Variants in PCSK1 observed in about 807,000 individuals in gnomAD.
PCSK1 encodes the protein neuroendocrine convertase 1.
Under a neutral mutation model 90.6 loss-of-function variants are expected in PCSK1, and 56 were observed. The observed-to-expected ratio is 0.62, with a 90% confidence interval of 0.50 to 0.77. PCSK1 has a LOEUF of 0.77. Among genes scored for constraint, PCSK1 ranks in the 30% least tolerant of loss-of-function variants. PCSK1 has a pLI of 0.00. For missense variants in PCSK1, 801 were observed against 932.6 expected (o/e 0.86, Z 1.84); for synonymous variants, 348 against 342.4 (o/e 1.02, Z -0.18).
rs1336839519 is a variant in PCSK1 at position 96,413,005 on chromosome 5, G to GCCACACA, written c.710-522_710-516dup. The GCCACACA allele has an allele frequency of 3.1e-6, 3 of 979,730 alleles. No homozygotes were observed. In the East Asian group the frequency reaches 3.3e-4, roughly 108 times the overall value. 60.7% of individuals were successfully genotyped at this position (979,730 alleles called of 1,614,324 possible). A position where few individuals can be genotyped will look rare whatever the true frequency, so the allele number is the denominator to read the frequency against. On this transcript the variant is annotated intron_variant, in intron 6 of 13. Transcript: ENST00000311106. ...CACAAATGGCTGTGGCCCAGTCTAC[G>GCCACACA]CCACACAAGGACTCTGGACAGGAAA...
At chr5:96,425,045 AAAG>A (rs760635038) in intron 3 of PCSK1, among the ~76,000 whole-genome samples, 7,658 of 143,988 alleles carry the variant, frequency 0.053, 349 homozygotes, top group East Asian at 0.15. Context: ...AGAAAGAAAG[AAAG>A]AAAGAAAGAA....
At chr5:96,401,639 C>T (rs1363831430) in intron 9 of PCSK1, among the ~76,000 whole-genome samples, 2 of 152,120 alleles carry the variant, frequency 1.3e-5, no homozygotes, top group African/African-American at 4.8e-5. Context: ...TTCCACTCTC[C>T]CACATGGTCC....
chr5:96,399,871 A>T (rs1760291022), intron 10 of PCSK1, 82 bp downstream of exon 10: 2 of 1,134,118 alleles, frequency 1.8e-6, no homozygotes, highest in African/African-American at 3.1e-5. Flanking sequence ...GGTAGATACA[A>T]AAAAATCAGG....
At chr5:96,411,173 G>A (rs1247842885) in intron 7 of PCSK1, among the ~76,000 whole-genome samples, 187 bp from the exon 8 acceptor site, 1 of 152,222 alleles carries the variant, frequency 6.6e-6, no homozygotes, top group African/African-American at 2.4e-5. Flanking sequence ...ATAAGCCACT[G>A]GACTCTGGCC....
In PCSK1 at chr5:96,412,750, A is replaced by ATTTTTTTT. The variant is rs1451878228; in HGVS notation, c.710-261_710-260insAAAAAAAA. Among the ~76,000 whole-genome samples the ATTTTTTTT allele has an allele frequency of 3.9e-4, 25 of 63,404 alleles. 2 individuals are homozygous for ATTTTTTTT. The highest frequency in any genetic ancestry group is 1.8e-3 in the African/African-American group (23 of 12,596). The allele number at this position is 63,404 out of a possible 152,430, so 41.6% of individuals were successfully genotyped here. On this transcript the variant is annotated intron_variant, in intron 6 of 13. Coordinates refer to ENST00000311106, the MANE Select transcript of PCSK1 (RefSeq NM_000439.5). ...ACCATGCACTGTGTAGGCAGCTGTGATGTTTTTTTTTTTTTTTTTTTTTTT... is the reference window on the plus strand; with the variant it reads ...ACCATGCACTGTGTAGGCAGCTGTGATTTTTTTTTGTTTTTTTTTTTTTTTTTTTTTTT...
intron 7 of PCSK1, 96 bp downstream of exon 7, chr5:96,412,222 A>T: frequency 9.3e-7 from 1 of 1,078,620 alleles, no homozygotes; most frequent in Non-Finnish European, 1.4e-6. Flanking sequence ...AGAAATCCAC[A>T]ACAATGTTAT....
chr5:96,403,296 G>T (rs1760447468), intron 9 of PCSK1, among the ~76,000 whole-genome samples: 3 of 151,948 alleles, frequency 2.0e-5, no homozygotes, highest in Non-Finnish European at 4.4e-5. Context: ...TTAAGTTCTA[G>T]GGTACATGTG....
chr5:96,402,487 CAG>C (rs1183979026), intron 9 of PCSK1, among the ~76,000 whole-genome samples: 4 of 152,276 alleles, frequency 2.6e-5, no homozygotes, highest in Admixed American at 2.0e-4. Flanking sequence ...CACTCAGACT[CAG>C]TGCCTGGTGC....
At chr5:96,411,627 T>C (rs1268627762) in intron 7 of PCSK1, among the ~76,000 whole-genome samples, 2 of 152,202 alleles carry the variant, frequency 1.3e-5, no homozygotes, top group East Asian at 3.8e-4. Flanking sequence ...CACGTTTCTA[T>C]ATTTGAAAAG....
At chr5:96,430,107 G>T (rs568608582) in intron 1 of PCSK1, among the ~76,000 whole-genome samples, 1 of 152,224 alleles carries the variant, frequency 6.6e-6, no homozygotes, top group East Asian at 1.9e-4. Flanking sequence ...ATTAGTGATC[G>T]TTTGATTTTC....
chr5:96,420,775 G>GAGAGAGAGAGAA (rs1356861365), intron 5 of PCSK1, among the ~76,000 whole-genome samples: 5 of 136,456 alleles, frequency 3.7e-5, no homozygotes, highest in Non-Finnish European at 7.8e-5. Flanking sequence ...AAGAGAGGGA[G>GAGAGAGAGAGAA]AGAGAGAGAG....
At chr5:96,399,494 T>C (rs1159731847) in intron 10 of PCSK1, among the ~76,000 whole-genome samples, 1 of 152,084 alleles carries the variant, frequency 6.6e-6, no homozygotes, top group Non-Finnish European at 1.5e-5. Flanking sequence ...AAGTGTATGA[T>C]AAAGAATCCC....
Position 96,393,102 on chromosome 5 carries a change from A to G in PCSK1, c.2161T>C (p.Tyr721His), listed in dbSNP as rs1481432958. The change falls in exon 14 of 14, where the codon TAT (tyrosine) becomes CAT (histidine). Residue 721 changes from tyrosine (Y) to histidine (H), a missense_variant. Coordinates refer to ENST00000311106, the MANE Select transcript of PCSK1 (RefSeq NM_000439.5). ...TAAAAAACATCAACATAGTCATTAT[A>G]CAGACTGTCTTCAGAGTCTTTAAGC... The part of the protein sequence containing the change: ...SQLKDSEDSL[Y>H]NDYVDVFYNT... 1.2e-6 allele frequency: 2 copies of G among 1,614,080 alleles called. No homozygotes were observed. Among genetic ancestry groups the G allele is most frequent in the South Asian group, 2.2e-5 (2 of 91,084 alleles).
intron 9 of PCSK1, among the ~76,000 whole-genome samples, chr5:96,402,882 G>A (rs1216483939): frequency 1.3e-5 from 2 of 152,094 alleles, no homozygotes; most frequent in Non-Finnish European, 2.9e-5. Context: ...CAGAATGCTT[G>A]CCTCATGATC....
At chr5:96,401,650 C>T (rs940587138) in intron 9 of PCSK1, among the ~76,000 whole-genome samples, 62 of 152,276 alleles carry the variant, frequency 4.1e-4, no homozygotes, top group South Asian at 2.1e-4. Context: ...CACATGGTCC[C>T]GAGCTCTTTT....
intron 1 of PCSK1, among the ~76,000 whole-genome samples, 196 bp downstream of exon 1, chr5:96,432,667 G>A (rs1458499142): frequency 6.6e-6 from 1 of 152,090 alleles, no homozygotes; most frequent in Non-Finnish European, 1.5e-5. Flanking sequence ...GCTTGGCTGC[G>A]CCCAGCCTAA....
intron 3 of PCSK1, 80 bp downstream of exon 3, chr5:96,425,740 A>G: frequency 1.2e-6 from 1 of 800,156 alleles, no homozygotes; most frequent in South Asian, 1.5e-5. Context: ...AAAAAAAAAA[A>G]AAATCCATGT....
intron 9 of PCSK1, 51 bp from the exon 10 acceptor site, chr5:96,400,237 T>C (rs767695698): frequency 1.2e-5 from 16 of 1,314,814 alleles, no homozygotes; most frequent in Non-Finnish European, 1.4e-5. Context: ...GAAGTTTCCT[T>C]GCAAAAGCAA....
chr5:96,414,065 G>A (rs1049314536), intron 6 of PCSK1, among the ~76,000 whole-genome samples: 3 of 150,546 alleles, frequency 2.0e-5, no homozygotes, highest in African/African-American at 7.3e-5. Flanking sequence ...CATGAACCCG[G>A]GAGGCGGAGC....
Sources: gnomAD v4.1 joint callset for allele counts (sites outside exome capture counted in the v4.1 genomes callset) on GRCh38, gnomAD v4.1.1 for gene constraint, MANE v1.5 for transcripts, NCBI Gene and HGNC (gene_info 2026-07-23, HGNC 2026-07-21) for gene names.